Variants in CHCHD6 observed in about 807,000 individuals in gnomAD.
CHCHD6 encodes MICOS complex subunit MIC25.
In CHCHD6, 28 loss-of-function variants were observed where a neutral mutation model predicts 32.3. The observed-to-expected ratio is 0.87, with a 90% CI of 0.64 to 1.19. CHCHD6 has a LOEUF of 1.19. Among genes scored for constraint, CHCHD6 ranks in the 50% most tolerant of loss-of-function variants. The probability of loss-of-function intolerance (pLI) is 0.00; values close to 1 mark genes in which losing one functional copy is unlikely to be tolerated. For missense variants in CHCHD6, 333 were observed against 307.0 expected (o/e 1.08, Z -0.63); for synonymous variants, 122 against 117.5 (o/e 1.04, Z -0.25).
At chr3:126,876,202 A>G (rs1169432642) in intron 5 of CHCHD6, among the ~76,000 whole-genome samples, 4 of 152,254 alleles carry the variant, frequency 2.6e-5, no homozygotes, top group Non-Finnish European at 5.9e-5. Context: ...TGCTTGCTGC[A>G]GAAGACTGCT....
intron 5 of CHCHD6, among the ~76,000 whole-genome samples, chr3:126,854,474 A>C (rs935905261): frequency 6.6e-6 from 1 of 152,198 alleles, no homozygotes; most frequent in Non-Finnish European, 1.5e-5. Context: ...ATGAGGCTTA[A>C]TTGTATTAGT....
intron 4 of CHCHD6, among the ~76,000 whole-genome samples, chr3:126,788,124 T>A (rs1195753639): frequency 6.6e-6 from 1 of 152,172 alleles, no homozygotes; most frequent in African/African-American, 2.4e-5. Context: ...TGATGGATTA[T>A]GTTTATTGAT....
chr3:126,719,963 C>A (rs1240471689), intron 1 of CHCHD6, among the ~76,000 whole-genome samples: 1 of 152,146 alleles, frequency 6.6e-6, no homozygotes, highest in African/African-American at 2.4e-5. Context: ...TTACTGCAAC[C>A]TCCACCTCCT....
chr3:126,947,922 G>C (rs1246454116), intron 6 of CHCHD6, among the ~76,000 whole-genome samples: 1 of 152,148 alleles, frequency 6.6e-6, no homozygotes, highest in African/African-American at 2.4e-5. Context: ...ATAAAATAAC[G>C]CCTTACAGGG....
At chr3:126,720,614 C>T (rs1162061562) in intron 1 of CHCHD6, among the ~76,000 whole-genome samples, 4 of 152,226 alleles carry the variant, frequency 2.6e-5, no homozygotes, top group African/African-American at 9.6e-5. Flanking sequence ...AAAATGAGCT[C>T]TTAGCCAGTT....
chr3:126,939,844 A>G (rs2078534259), intron 6 of CHCHD6, among the ~76,000 whole-genome samples: 1 of 152,210 alleles, frequency 6.6e-6, no homozygotes, highest in East Asian at 1.9e-4. Context: ...GAGTTCCTAC[A>G]ATATACAGGC....
rs916497940 is a variant in CHCHD6, at chr3:126,764,539, C to A, written c.411+31317C>A. ...AGTCTTCACTTCGAAGGTCCCTTTC[C>A]TGCTCCACTCCCTGGCTAGGGTTCT... On this transcript the variant is annotated intron_variant, in intron 4 of 7. Coordinates refer to ENST00000290913, the MANE Select transcript of CHCHD6 (RefSeq NM_032343.3). Among the ~76,000 whole-genome samples the A allele has an allele frequency of 3.3e-5, 5 of 152,218 alleles. No homozygotes were observed. In the East Asian group the frequency reaches 9.6e-4, roughly 29 times the overall value.
intron 6 of CHCHD6, among the ~76,000 whole-genome samples, chr3:126,938,089 T>C (rs2078508088): frequency 6.6e-6 from 1 of 152,222 alleles, no homozygotes; most frequent in Non-Finnish European, 1.5e-5. Context: ...CAGCTCTTCT[T>C]ATCCAGGTCA....
chr3:126,730,481 C>T (rs1935741529), intron 2 of CHCHD6, 80 bp from the exon 3 acceptor site: 1 of 1,161,222 alleles, frequency 8.6e-7, no homozygotes, highest in Non-Finnish European at 1.3e-6. Flanking sequence ...TCATGGGGGT[C>T]ATTCCTCTCT....
Position 126,727,122 on chromosome 3 carries a change from A to T in CHCHD6, c.132A>T (p.Pro44=). The change falls in exon 2 of 8, where the codon CCA becomes CCT. Residue 44 remains proline, a synonymous_variant. Coordinates refer to ENST00000290913, the MANE Select transcript of CHCHD6 (RefSeq NM_032343.3). ...ACCGCATGAAGGAGCCCAGCTCTCC[A>T]CCCCCTGCTCCCACATCTTCTACCT... ...VVNRMKEPSS[P]PPAPTSSTFG... The T allele has an allele frequency of 6.2e-7, 1 of 1,613,854 alleles. No homozygotes were observed. Among genetic ancestry groups the T allele is most frequent in the Non-Finnish European group, 8.5e-7 (1 of 1,179,918 alleles).
chr3:126,714,235 A>G (rs1934902784), intron 1 of CHCHD6, among the ~76,000 whole-genome samples: 1 of 152,140 alleles, frequency 6.6e-6, no homozygotes, highest in Non-Finnish European at 1.5e-5. Context: ...GTGCAGTCTC[A>G]TTACAGTTAC....
At chr3:126,858,300 G>T (rs1941732803) in intron 5 of CHCHD6, among the ~76,000 whole-genome samples, 1 of 150,524 alleles carries the variant, frequency 6.6e-6, no homozygotes, top group Non-Finnish European at 1.5e-5. Flanking sequence ...GGTGGCAGGG[G>T]CGGGGGCGGG....
At chr3:126,859,946 G>C (rs1469839383) in intron 5 of CHCHD6, among the ~76,000 whole-genome samples, 1 of 152,166 alleles carries the variant, frequency 6.6e-6, no homozygotes. Flanking sequence ...GGAGACTGAT[G>C]CTGGGTTCCA....
intron 6 of CHCHD6, among the ~76,000 whole-genome samples, chr3:126,917,148 G>GT (rs2078183368): frequency 6.6e-6 from 1 of 152,228 alleles, no homozygotes. Flanking sequence ...GAAGCCTAAG[G>GT]TTTTTTTGTT....
intron 4 of CHCHD6, among the ~76,000 whole-genome samples, chr3:126,797,941 G>C (rs796541190): frequency 3.3e-5 from 5 of 152,320 alleles, no homozygotes; most frequent in African/African-American, 1.2e-4. Context: ...TGTCGAGGGA[G>C]GGTTTGGGAG....
intron 4 of CHCHD6, among the ~76,000 whole-genome samples, chr3:126,768,529 A>G (rs1937470009): frequency 6.6e-6 from 1 of 152,182 alleles, no homozygotes; most frequent in African/African-American, 2.4e-5. Flanking sequence ...GACTAATACA[A>G]TATGCATGTG....
chr3:126,787,994 C>T (rs1370835939), intron 4 of CHCHD6, among the ~76,000 whole-genome samples: 5 of 152,094 alleles, frequency 3.3e-5, no homozygotes, highest in African/African-American at 9.7e-5. Flanking sequence ...TTTTGAGATA[C>T]GTCCCATCAA....
At chr3:126,872,235 T>C (rs2077484770) in intron 5 of CHCHD6, among the ~76,000 whole-genome samples, 1 of 151,988 alleles carries the variant, frequency 6.6e-6, no homozygotes, top group African/African-American at 2.4e-5. Context: ...AGCAAGGAAT[T>C]AGCACAAAAT....
intron 6 of CHCHD6, among the ~76,000 whole-genome samples, chr3:126,939,564 C>T (rs1464611934): frequency 1.3e-5 from 2 of 152,160 alleles, no homozygotes; most frequent in Admixed American, 6.5e-5. Context: ...AAGAAGAATG[C>T]CTGTAGATGG....
Sources: allele counts gnomAD v4.1 joint callset (sites outside exome capture counted in the v4.1 genomes callset), GRCh38; gene constraint gnomAD v4.1.1; transcripts MANE v1.5; gene names NCBI Gene and HGNC (gene_info 2026-07-23, HGNC 2026-07-21).